MGMT: variants seen among roughly 807,000 people sequenced by gnomAD.
MGMT encodes O-6-methylguanine-DNA methyltransferase.
A neutral mutation model predicts 15.9 loss-of-function variants in MGMT; 14 were observed. The observed-to-expected ratio is 0.88, with a 90% CI of 0.58 to 1.37. The LOEUF (loss-of-function observed/expected upper bound fraction) is 1.37. Among genes scored for constraint, MGMT ranks in the 40% most tolerant of loss-of-function variants. MGMT has a pLI of 0.00. For missense variants in MGMT, 282 were observed against 268.1 expected (o/e 1.05, Z -0.36); for synonymous variants, 130 against 118.2 (o/e 1.10, Z -0.65).
intron 2 of MGMT, among the ~76,000 whole-genome samples, chr10:129,650,953 C>T (rs1369238341): frequency 1.3e-5 from 2 of 152,112 alleles, no homozygotes; most frequent in East Asian, 1.9e-4. Flanking sequence ...TGGTACTGCC[C>T]GAGGGCCGCA....
intron 3 of MGMT, among the ~76,000 whole-genome samples, chr10:129,740,888 G>A (rs372643432): frequency 1.6e-4 from 25 of 152,316 alleles, no homozygotes; most frequent in East Asian, 7.7e-4. Flanking sequence ...GGCACTTACT[G>A]TGATAATTGC....
intron 2 of MGMT, among the ~76,000 whole-genome samples, chr10:129,602,896 T>TA (rs1216708420): frequency 1.3e-5 from 2 of 151,878 alleles, no homozygotes; most frequent in African/African-American, 4.8e-5. Context: ...ACCTGGCAAT[T>TA]AAAAAAAAGT....
chr10:129,726,772 A>G (rs1848439360), intron 3 of MGMT, among the ~76,000 whole-genome samples: 1 of 152,142 alleles, frequency 6.6e-6, no homozygotes, highest in African/African-American at 2.4e-5. Context: ...TTTTGACCTA[A>G]TTAAAAGCAT....
intron 2 of MGMT, among the ~76,000 whole-genome samples, chr10:129,637,368 A>G (rs1847274751): frequency 6.6e-6 from 1 of 152,184 alleles, no homozygotes; most frequent in Non-Finnish European, 1.5e-5. Context: ...GAATTCCTAC[A>G]TCCAGAGTAA....
chr10:129,697,769 G>A (rs1848049000), intron 2 of MGMT, among the ~76,000 whole-genome samples: 1 of 152,184 alleles, frequency 6.6e-6, no homozygotes, highest in Admixed American at 6.5e-5. Flanking sequence ...CACCTTGCCT[G>A]TGGCTGACCT....
At chr10:129,737,117 T>A (rs534473320) in intron 3 of MGMT, among the ~76,000 whole-genome samples, 1 of 152,146 alleles carries the variant, frequency 6.6e-6, no homozygotes, top group Non-Finnish European at 1.5e-5. Context: ...CCTTGCTAGA[T>A]TGGGGAAGTT....
At chr10:129,640,872 G>A (rs1005325005) in intron 2 of MGMT, among the ~76,000 whole-genome samples, 1 of 152,074 alleles carries the variant, frequency 6.6e-6, no homozygotes, top group African/African-American at 2.4e-5. Flanking sequence ...TGTTAATCTC[G>A]AAGAAATTTC....
chr10:129,660,598 T>TG (rs893832888), intron 2 of MGMT, among the ~76,000 whole-genome samples: 3 of 152,158 alleles, frequency 2.0e-5, no homozygotes, highest in African/African-American at 7.2e-5. Context: ...CTGAGGGACA[T>TG]GGAGCCCTCC....
At chr10:129,601,708 T>C (rs573406815) in intron 2 of MGMT, among the ~76,000 whole-genome samples, 4 of 152,318 alleles carry the variant, frequency 2.6e-5, no homozygotes, top group Non-Finnish European at 5.9e-5. Context: ...TCACTTTAAT[T>C]TGGTCCAAAA....
At chr10:129,555,814 G>A (rs1252110557) in intron 2 of MGMT, among the ~76,000 whole-genome samples, 1 of 152,218 alleles carries the variant, frequency 6.6e-6, no homozygotes, top group East Asian at 1.9e-4. Flanking sequence ...TTATAGAGAT[G>A]GGAGGTGAAA....
At position 129,599,956 on chromosome 10, in the gene MGMT, G is replaced by A. The variant is rs1379850359; in HGVS notation, c.125+63579G>A. Reference sequence around the variant, plus strand: ...TGTACATTGGTCTTTCTAGATGCCTGTTGTTACCTATAGGTAAGTAGGTAG... The same window carrying A: ...TGTACATTGGTCTTTCTAGATGCCTATTGTTACCTATAGGTAAGTAGGTAG... On this transcript the variant is annotated intron_variant, in intron 2 of 4. Coordinates refer to ENST00000651593, the MANE Select transcript of MGMT (RefSeq NM_002412.5). Among the ~76,000 whole-genome samples, 5 of 151,538 alleles carry A rather than the reference G, an allele frequency of 3.3e-5. No individual in the cohort carries two copies. In the Admixed American group the frequency reaches 3.3e-4, roughly 10 times the overall value.
intron 1 of MGMT, among the ~76,000 whole-genome samples, chr10:129,474,990 C>T (rs181528621): frequency 6.6e-6 from 1 of 151,856 alleles, no homozygotes; most frequent in Admixed American, 6.6e-5. Flanking sequence ...AGGTGAAGAG[C>T]CTGGCCTTTG....
intron 3 of MGMT, among the ~76,000 whole-genome samples, chr10:129,724,245 A>G (rs564712008): frequency 2.2e-4 from 33 of 152,314 alleles, no homozygotes; most frequent in Admixed American, 1.4e-3. Flanking sequence ...AGCCTCGTGG[A>G]TGAGTCTCGG....
intron 2 of MGMT, among the ~76,000 whole-genome samples, chr10:129,597,946 A>T (rs1846770272): frequency 6.6e-6 from 1 of 152,122 alleles, no homozygotes; most frequent in African/African-American, 2.4e-5. Context: ...GTTGCTTCAG[A>T]GAGATGTCGT....
chr10:129,704,035 G>C (rs1400714891), intron 2 of MGMT, among the ~76,000 whole-genome samples: 1 of 152,042 alleles, frequency 6.6e-6, no homozygotes, highest in African/African-American at 2.4e-5. Flanking sequence ...CCCTCTGTTC[G>C]GCCGCCTTCC....
rs574143625 is a variant in MGMT, at chr10:129,492,810, C to T, written c.-13+25514C>T. The stretch of plus-strand genomic sequence containing the variant: ...TAATTTTTCTGACTTTTTCCAGTTC[C>T]TGTGGGAACATTGGGCTGCCTCCAT... On this transcript the variant is annotated intron_variant, in intron 1 of 4. Transcript: ENST00000651593. 5.5e-4 allele frequency among the ~76,000 whole-genome samples: 84 copies of T among 152,304 alleles called. 2 individuals carry two copies. In the Middle Eastern group the frequency reaches 0.014, roughly 25 times the overall value.
intron 3 of MGMT, among the ~76,000 whole-genome samples, chr10:129,728,525 T>G (rs988780937): frequency 6.6e-5 from 10 of 152,006 alleles, no homozygotes; most frequent in Non-Finnish European, 1.0e-4. Flanking sequence ...TTCTGCTTGG[T>G]CTCCTGACGC....
chr10:129,765,383 G>A (rs1292135924), intron 4 of MGMT, among the ~76,000 whole-genome samples: 1 of 152,184 alleles, frequency 6.6e-6, no homozygotes, highest in Non-Finnish European at 1.5e-5. Flanking sequence ...AGAGCCCCCA[G>A]AGTCCCCTGC....
At chr10:129,673,851 C>A (rs1011676223) in intron 2 of MGMT, among the ~76,000 whole-genome samples, 2 of 152,062 alleles carry the variant, frequency 1.3e-5, no homozygotes, top group Admixed American at 1.3e-4. Context: ...GATGCTCGTG[C>A]GAAAAAAGTC....
Sources: gnomAD v4.1 joint callset for allele counts (sites outside exome capture counted in the v4.1 genomes callset) on GRCh38, gnomAD v4.1.1 for gene constraint, MANE v1.5 for transcripts, NCBI Gene and HGNC (gene_info 2026-07-23, HGNC 2026-07-21) for gene names.